The following TEX36 variants were observed in gnomAD, a reference collection of about 807,000 sequenced individuals.
TEX36 encodes the protein testis expressed 36.
Under a neutral mutation model 13.6 loss-of-function variants are expected in TEX36, and 12 were observed. That is an observed-to-expected ratio of 0.88 (90% CI 0.56 to 1.43). TEX36 has a LOEUF of 1.43. TEX36 is among the 40% of genes most tolerant of loss of function. The pLI, the probability that TEX36 is intolerant of heterozygous loss-of-function variation, is 0.00. For missense variants in TEX36, 224 were observed against 228.3 expected, an observed-to-expected ratio of 0.98 and a Z score of 0.12; for synonymous variants, 93 against 83.0, an observed-to-expected ratio of 1.12 and a Z score of -0.65.
intron 1 of TEX36, chr10:125,667,969 T>C (rs1847151219): frequency 2.3e-6 from 2 of 865,870 alleles, no homozygotes; most frequent in Admixed American, 1.8e-5. Flanking sequence ...TGGTGGCAAG[T>C]TCCAGTGCTT....
At chr10:125,625,954 G>A (rs561571736) in intron 3 of TEX36, among the ~76,000 whole-genome samples, 24 of 152,278 alleles carry the variant, frequency 1.6e-4, no homozygotes, top group African/African-American at 4.8e-4. Context: ...CGCCCAGACC[G>A]CCCCCTGCCA....
At chr10:125,638,047 A>C (rs1846641118) in intron 3 of TEX36, among the ~76,000 whole-genome samples, 1 of 151,840 alleles carries the variant, frequency 6.6e-6, no homozygotes, top group Non-Finnish European at 1.5e-5. Flanking sequence ...TTCTCAGCTG[A>C]AGACCTCTCT....
intron 3 of TEX36, among the ~76,000 whole-genome samples, chr10:125,640,371 C>T (rs577035813): frequency 5.3e-5 from 8 of 152,302 alleles, no homozygotes; most frequent in South Asian, 2.1e-4. Context: ...GGAAATCACA[C>T]GCTACACCTA....
chr10:125,662,951 G>A (rs1434385692), intron 1 of TEX36, among the ~76,000 whole-genome samples: 1 of 152,200 alleles, frequency 6.6e-6, no homozygotes, highest in Admixed American at 6.5e-5. Flanking sequence ...AACAAAGTGA[G>A]CTCTGAAGCA....
rs562627384 is a variant in TEX36, at chr10:125,634,427, T to A, written c.265-12782A>T. Among the ~76,000 whole-genome samples the A allele has an allele frequency of 3.3e-5, 5 of 152,288 alleles. No homozygotes were observed. The South Asian group carries it at 1.0e-3, about 32-fold the overall frequency. On this transcript the variant is annotated intron_variant, in intron 3 of 3. Transcript: ENST00000526819. ...TTTTTAGTCTTGATCCGAGTACTGA[T>A]GGGGGAGCAGTTTTTGCTTTGGGCA...
intron 3 of TEX36, among the ~76,000 whole-genome samples, chr10:125,646,206 G>C (rs920401500): frequency 6.6e-6 from 1 of 152,064 alleles, no homozygotes; most frequent in Non-Finnish European, 1.5e-5. Flanking sequence ...TGCACCTGTA[G>C]TTCCAGCTAC....
At chr10:125,616,121 G>A (rs1366709160) in intron 3 of TEX36, among the ~76,000 whole-genome samples, 1 of 152,132 alleles carries the variant, frequency 6.6e-6, no homozygotes, top group Non-Finnish European at 1.5e-5. Context: ...TGTAGGATCG[G>A]TGATGATATC....
intron 3 of TEX36, 49 bp from the exon 4 acceptor site, chr10:125,656,245 AGTTCT>A: frequency 4.1e-6 from 2 of 487,348 alleles, no homozygotes; most frequent in Admixed American, 4.7e-5. Context: ...AAGTTCACAT[AGTTCT>A]TTTTTTTTTT....
rs552450785 is a variant in TEX36 at position 125,582,091 on chromosome 10, G to A, written c.265-5217C>T. ...CCAGCTGGAGGAAGCGAATCTGAGT[G>A]CCTTCCCATGGCAAGGCCAAGGGAG... is the stretch of plus-strand genomic sequence containing the variant. On this transcript the variant is annotated intron_variant, in intron 3 of 3. Transcript: ENST00000532135. 3.3e-5 allele frequency among the ~76,000 whole-genome samples: 5 copies of A among 152,314 alleles called. No individual in the cohort carries two copies. In the South Asian group the frequency reaches 1.0e-3, roughly 32 times the overall value.
chr10:125,614,051 AC>A (rs1203174934), intron 3 of TEX36, among the ~76,000 whole-genome samples: 1 of 152,088 alleles, frequency 6.6e-6, no homozygotes, highest in African/African-American at 2.4e-5. Flanking sequence ...GCATTTTTTC[AC>A]GTGTCTTTTG....
chr10:125,604,065 C>G (rs544394276), intron 3 of TEX36, among the ~76,000 whole-genome samples: 1 of 152,188 alleles, frequency 6.6e-6, no homozygotes, highest in South Asian at 2.1e-4. Context: ...GTCTGTATGT[C>G]AGAGTTGATA....
At chr10:125,642,228 T>C (rs1469998198) in intron 3 of TEX36, among the ~76,000 whole-genome samples, 2 of 152,188 alleles carry the variant, frequency 1.3e-5, no homozygotes, top group African/African-American at 4.8e-5. Flanking sequence ...AGCTCCTACA[T>C]GTCGAAGGCA....
chr10:125,587,206 T>G (rs1007687323), intron 3 of TEX36, among the ~76,000 whole-genome samples: 5 of 152,132 alleles, frequency 3.3e-5, no homozygotes, highest in Non-Finnish European at 5.9e-5. Context: ...CAAGAACAAA[T>G]TCACTGGGTG....
chr10:125,613,284 T>TTTA (rs1309542642), intron 3 of TEX36, among the ~76,000 whole-genome samples: 1 of 135,510 alleles, frequency 7.4e-6, no homozygotes, highest in Non-Finnish European at 1.6e-5. Flanking sequence ...TTTATTTATT[T>TTTA]TTATTATTAT....
At chr10:125,618,942 T>TAAAAAAAAAAAAAAAAAAAAAAAA (rs11452140), downstream of TEX36, among the ~76,000 whole-genome samples, 2 of 43,586 alleles carry the variant, frequency 4.6e-5, no homozygotes, top group African/African-American at 2.0e-4. Context: ...CCGTCTCTAC[T>TAAAAAAAAAAAAAAAAAAAAAAAA]AAAAAAAAAA....
intron 1 of TEX36, chr10:125,667,096 T>TCCATCAACCTCAACGCCA: frequency 1.0e-6 from 1 of 981,846 alleles, no homozygotes; most frequent in Non-Finnish European, 1.6e-6. Flanking sequence ...GTTAATGGCG[T>TCCATCAACCTCAACGCCA]TGAGGTTGAT....
intron 3 of TEX36, among the ~76,000 whole-genome samples, chr10:125,628,739 G>A (rs1230271174): frequency 1.3e-5 from 2 of 152,168 alleles, no homozygotes; most frequent in African/African-American, 4.8e-5. Flanking sequence ...TTTATAGAGC[G>A]AAAAGCTGGG....
At position 125,667,654 on chromosome 10, in the gene TEX36, C is replaced by T. The variant is rs9422788; in HGVS notation, c.52-5677G>A. ...TGCTGCCCCCAACACCACCCTTGGA[C>T]ATGACAACTTGGGGGAAAGGACGCC... is the stretch of plus-strand genomic sequence containing the variant. On this transcript the variant is annotated intron_variant, in intron 1 of 3. Coordinates refer to ENST00000368821, the MANE Select transcript of TEX36 (RefSeq NM_001128202.3). 5.8e-3 allele frequency: 4,144 copies of T among 719,804 alleles called. 111 individuals carry two copies. In the African/African-American group the frequency reaches 0.06, roughly 10 times the overall value. The allele number at this position is 719,804 out of a possible 1,614,324, so 44.6% of individuals were successfully genotyped here.
rs548186046 is a variant in TEX36, at chr10:125,609,174, A to C, written c.265-32300T>G. 4.8e-3 allele frequency among the ~76,000 whole-genome samples: 720 copies of C among 149,078 alleles called. 7 individuals are homozygous for C. Among genetic ancestry groups the C allele is most frequent in the South Asian group, 0.023 (108 of 4,692 alleles). ...CATCTCAGGAAAAAACAAAACAAAA[A>C]AAAAAAAACTTTTAAACTAAACAGG... On this transcript the variant is annotated intron_variant, in intron 3 of 3. Transcript: ENST00000532135.
Sources: allele counts gnomAD v4.1 joint callset (sites outside exome capture counted in the v4.1 genomes callset), GRCh38; gene constraint gnomAD v4.1.1; transcripts MANE v1.5; gene names NCBI Gene and HGNC (gene_info 2026-07-23, HGNC 2026-07-21).